KANK4: variants seen among roughly 807,000 people sequenced by gnomAD.
KANK4 encodes the protein KN motif and ankyrin repeat domain-containing protein 4.
In KANK4, 50 loss-of-function variants were observed where a neutral mutation model predicts 80.8. The ratio of observed to expected loss-of-function variants is 0.62; its 90% confidence interval spans 0.49 to 0.78. The LOEUF is 0.78. Ranked by LOEUF, KANK4 falls within the 30% of genes least tolerant of loss-of-function variation. The pLI is 0.00. For missense variants in KANK4, 1,196 were observed against 1,240.1 expected (o/e 0.96, Z 0.53); for synonymous variants, 465 against 506.9 (o/e 0.92, Z 1.11).
chr1:62,297,141 C>T (rs1644373054), intron 1 of KANK4, among the ~76,000 whole-genome samples: 1 of 151,976 alleles, frequency 6.6e-6, no homozygotes, highest in Non-Finnish European at 1.5e-5. Context: ...AGCTTGAACC[C>T]GGGAGACGGA....
chr1:62,298,600 C>A (rs1284769548), intron 1 of KANK4, among the ~76,000 whole-genome samples: 1 of 152,202 alleles, frequency 6.6e-6, no homozygotes, highest in Non-Finnish European at 1.5e-5. Flanking sequence ...AGCACCAGCA[C>A]TTGAAACCGT....
chr1:62,292,616 G>T (rs1156764897), intron 1 of KANK4, among the ~76,000 whole-genome samples: 1 of 152,166 alleles, frequency 6.6e-6, no homozygotes, highest in Non-Finnish European at 1.5e-5. Context: ...AGTCCAATTT[G>T]TAACTATAAA....
At chr1:62,253,387 C>G (rs1284384910) in intron 7 of KANK4, among the ~76,000 whole-genome samples, 178 bp from the exon 8 acceptor site, 2 of 144,808 alleles carry the variant, frequency 1.4e-5, no homozygotes, top group Non-Finnish European at 3.0e-5. Flanking sequence ...GGTTTCTTTT[C>G]TTTTCTTTTT....
Position 62,293,475 on chromosome 1 carries a change from A to C in KANK4, c.-70-11841T>G, listed in dbSNP as rs145327247. ...CTAAGGGTTTCTAAAAGAATAAAAA[A>C]TGCATCTCAAATATGTGTATTCTCT... On this transcript the variant is annotated intron_variant, in intron 1 of 9. Transcript: ENST00000371153. 1.3e-4 allele frequency among the ~76,000 whole-genome samples: 20 copies of C among 152,324 alleles called. No homozygotes were observed. The East Asian group carries it at 3.1e-3, about 23-fold the overall frequency.
chr1:62,262,837 A>G (rs1671918682), intron 7 of KANK4, among the ~76,000 whole-genome samples: 2 of 152,152 alleles, frequency 1.3e-5, no homozygotes, highest in Non-Finnish European at 1.5e-5. Flanking sequence ...ACAGAGTGGC[A>G]TAATGGACAA....
At chr1:62,273,158 G>A (rs1319222799) in intron 3 of KANK4, 46 bp downstream of exon 3, 1 of 1,303,154 alleles carries the variant, frequency 7.7e-7, no homozygotes, top group Non-Finnish European at 1.0e-6. Flanking sequence ...ATCATGTGAA[G>A]GAGAAATGGC....
At chr1:62,245,343 C>A (rs1220330504) in intron 9 of KANK4, among the ~76,000 whole-genome samples, 1 of 152,192 alleles carries the variant, frequency 6.6e-6, no homozygotes, top group Non-Finnish European at 1.5e-5. Context: ...TGGGGTGAAG[C>A]TAAGATTCAC....
chr1:62,274,530 G>C lies in KANK4; in HGVS notation c.574C>G (p.Pro192Ala). The part of the protein sequence containing the change: ...LGPPAPPALP[P>A]LQGEGSVCDG... ...CAGACACTGCCTTCACCCTGAAGGG[G>C]AGGGAGGGCAGGAGGGGCAGGGGGC... Residue 192 changes from proline to alanine, a missense_variant, in exon 3 of 10, where the codon CCC becomes GCC. Pro to Ala is a conservative substitution (Grantham distance 27, BLOSUM62 -1). This residue lies in a region of KANK4 where 1,154 missense variants were observed against 1,179.6 expected (regional missense o/e 0.98). Transcript: ENST00000371153. The C allele has an allele frequency of 6.2e-7, 1 of 1,614,196 alleles. No individual in the cohort carries two copies. Among genetic ancestry groups the C allele is most frequent in the Non-Finnish European group, 8.5e-7 (1 of 1,179,996 alleles).
intron 1 of KANK4, among the ~76,000 whole-genome samples, chr1:62,290,521 G>C (rs1294960313): frequency 6.6e-6 from 1 of 152,236 alleles, no homozygotes; most frequent in African/African-American, 2.4e-5. Context: ...GGGATGCAAA[G>C]TGCTTGTGCT....
intron 8 of KANK4, 30 bp from the exon 9 acceptor site, chr1:62,247,702 G>A: frequency 6.2e-7 from 1 of 1,605,008 alleles, no homozygotes. Flanking sequence ...GATGTGGTGA[G>A]GTTGCTGCCA....
chr1:62,304,193 T>C (rs574451060), intron 1 of KANK4, among the ~76,000 whole-genome samples: 4 of 152,194 alleles, frequency 2.6e-5, no homozygotes, highest in East Asian at 3.9e-4. Flanking sequence ...TCTATTTCTA[T>C]TGGCAAGAGC....
chr1:62,296,541 G>T (rs1157133533), intron 1 of KANK4, among the ~76,000 whole-genome samples: 5 of 152,068 alleles, frequency 3.3e-5, no homozygotes, highest in East Asian at 1.9e-4. Flanking sequence ...ATTTTTGGTG[G>T]TTTTTTTGGT....
rs1671206307 is a variant in KANK4, at chr1:62,236,613, T to TTTTTA, written c.*1663_*1664insTAAAA. On this transcript the variant is annotated 3_prime_UTR_variant, in exon 10 of 10. Coordinates refer to ENST00000371153, the MANE Select transcript of KANK4 (RefSeq NM_181712.5). ...ATTGGATTTTTTTTTTTTTTTTTTT[T>TTTTTA]GAGACAGAGTTTTGCTCGTTACCCA... Among the ~76,000 whole-genome samples, 2 of 125,506 alleles carry TTTTTA rather than the reference T, an allele frequency of 1.6e-5. No homozygotes were observed. Among genetic ancestry groups the TTTTTA allele is most frequent in the African/African-American group, 3.0e-5 (1 of 33,794 alleles). 82.3% of individuals were successfully genotyped at this position (125,506 alleles called of 152,430 possible).
chr1:62,273,421 C>T lies in KANK4; in HGVS notation c.1683G>A (p.Gly561=), dbSNP rs778571110. The change falls in exon 3 of 10, where the codon GGG becomes GGA. Residue 561 remains glycine, a synonymous_variant. Coordinates refer to ENST00000371153, the MANE Select transcript of KANK4 (RefSeq NM_181712.5). Reference sequence around the variant, plus strand: ...GCTCCTGGATCTTCTTCACATACTGCCCAATAGTGGCATCCGTTGGCGAGC... The same window carrying T: ...GCTCCTGGATCTTCTTCACATACTGTCCAATAGTGGCATCCGTTGGCGAGC... ...PPSSPTDATI[G]QYVKKIQELL... The T allele has an allele frequency of 6.2e-7, 1 of 1,613,010 alleles. No homozygotes were observed. The highest frequency in any genetic ancestry group is 8.5e-7 in the Non-Finnish European group (1 of 1,179,530).
chr1:62,254,874 C>G (rs1671713175), intron 7 of KANK4, among the ~76,000 whole-genome samples: 1 of 140,726 alleles, frequency 7.1e-6, no homozygotes, highest in South Asian at 2.3e-4. Context: ...CCTGATTAAA[C>G]CTGGTATTTT....
intron 1 of KANK4, among the ~76,000 whole-genome samples, chr1:62,307,149 C>A (rs1644458632): frequency 6.7e-6 from 1 of 149,802 alleles, no homozygotes; most frequent in Non-Finnish European, 1.5e-5. Flanking sequence ...AGGAAGCATC[C>A]CATTTGCCCC....
At chr1:62,238,670 C>G (rs1308862424) in intron 9 of KANK4, among the ~76,000 whole-genome samples, 3 of 150,626 alleles carry the variant, frequency 2.0e-5, no homozygotes, top group Non-Finnish European at 4.4e-5. Context: ...CACTCTATCG[C>G]CCAGGGTGGA....
chr1:62,253,587 T>A (rs540906733), intron 7 of KANK4, among the ~76,000 whole-genome samples: 1 of 151,028 alleles, frequency 6.6e-6, no homozygotes, highest in East Asian at 2.0e-4. Flanking sequence ...TTTTTTTTTG[T>A]ATTTTTAGTA....
chr1:62,314,544 CTTTTATCCT>C (rs1644524455), intron 1 of KANK4, among the ~76,000 whole-genome samples: 1 of 152,040 alleles, frequency 6.6e-6, no homozygotes, highest in Non-Finnish European at 1.5e-5. Flanking sequence ...GAAGGCTGCT[CTTTTATCCT>C]TGTGTGGAGC....
Sources: gnomAD v4.1 joint callset for allele counts (sites outside exome capture counted in the v4.1 genomes callset) on GRCh38, gnomAD v4.1.1 for gene constraint, gnomAD v4.1.1 regional missense constraint, MANE v1.5 for transcripts, NCBI Gene and HGNC (gene_info 2026-07-23, HGNC 2026-07-21) for gene names.